Variants in MAGI1 observed in about 807,000 individuals in gnomAD.
MAGI1 encodes membrane associated guanylate kinase, WW and PDZ domain containing 1.
In MAGI1, 58 loss-of-function variants were observed where a neutral mutation model predicts 139.9. That is an observed-to-expected ratio of 0.41 (90% CI 0.34 to 0.52). The LOEUF is 0.52. Ranked by LOEUF, MAGI1 falls within the 20% of genes least tolerant of loss-of-function variation. The pLI is 0.12. For synonymous variants in MAGI1, 812 were observed against 737.9 expected (o/e 1.10, Z -1.63); for missense variants, 1,874 against 1,901.6 (o/e 0.99, Z 0.27).
At chr3:65,935,241 A>G (rs2062993274) in intron 1 of MAGI1, among the ~76,000 whole-genome samples, 1 of 152,204 alleles carries the variant, frequency 6.6e-6, no homozygotes, top group African/African-American at 2.4e-5. Context: ...GCTGGAGAAC[A>G]AGGTGAGTTT....
chr3:65,390,858 C>T (rs555259556), intron 14 of MAGI1, among the ~76,000 whole-genome samples: 2 of 152,156 alleles, frequency 1.3e-5, no homozygotes, highest in Non-Finnish European at 1.5e-5. Context: ...GAGACAGCAG[C>T]TCTTATCTAC....
At chr3:65,627,021 C>T (rs2084004561) in intron 1 of MAGI1, among the ~76,000 whole-genome samples, 1 of 152,180 alleles carries the variant, frequency 6.6e-6, no homozygotes, top group Non-Finnish European at 1.5e-5. Flanking sequence ...GAACATAGGT[C>T]AGAAACACAG....
rs573381310 is a variant in MAGI1, at chr3:65,509,966, C to G, written c.431-16335G>C. Among the ~76,000 whole-genome samples, 33 of 152,310 alleles carry G rather than the reference C, an allele frequency of 2.2e-4. 1 individual carries two copies. Among genetic ancestry groups the G allele is most frequent in the Admixed American group, 1.3e-3 (20 of 15,304 alleles). On this transcript the variant is annotated intron_variant, in intron 2 of 22. Coordinates refer to ENST00000402939, the MANE Select transcript of MAGI1 (RefSeq NM_001033057.2). ...ACGCAGAAGGAGATCTGAGAACCGG[C>G]AGACTGCCTCCTCAAGTGGGTCCCT...
chr3:65,784,945 G>A (rs1042150741), intron 1 of MAGI1, among the ~76,000 whole-genome samples: 3 of 152,284 alleles, frequency 2.0e-5, no homozygotes, highest in South Asian at 2.1e-4. Context: ...TAGGGCTTGA[G>A]AGGGTGGCGG....
chr3:65,459,313 A>G (rs779718935), intron 5 of MAGI1, among the ~76,000 whole-genome samples: 5 of 152,114 alleles, frequency 3.3e-5, no homozygotes, highest in Non-Finnish European at 5.9e-5. Flanking sequence ...AAATTTTAGA[A>G]TTGTTTTTTA....
intron 12 of MAGI1, among the ~76,000 whole-genome samples, chr3:65,423,667 T>C (rs548065275): frequency 6.6e-6 from 1 of 152,338 alleles, no homozygotes; most frequent in Non-Finnish European, 1.5e-5. Context: ...GGAGCCAGTC[T>C]TCCTAGGTTC....
At chr3:65,480,174 A>AAC (rs386396902) in intron 3 of MAGI1, among the ~76,000 whole-genome samples, 1 of 151,552 alleles carries the variant, frequency 6.6e-6, no homozygotes, top group Non-Finnish European at 1.5e-5. Flanking sequence ...AAAAAAAAAA[A>AAC]ACACAAAAAA....
chr3:65,798,365 C>G (rs768500705), intron 1 of MAGI1, among the ~76,000 whole-genome samples: 2 of 152,040 alleles, frequency 1.3e-5, no homozygotes, highest in Non-Finnish European at 2.9e-5. Flanking sequence ...AAAATGACAA[C>G]CCCTCGCCCA....
At chr3:65,938,577 C>T (rs1010686690) in intron 1 of MAGI1, among the ~76,000 whole-genome samples, 4 of 151,846 alleles carry the variant, frequency 2.6e-5, no homozygotes, top group African/African-American at 9.7e-5. Flanking sequence ...GACACTTCTT[C>T]CTTTTCCGCA....
At chr3:65,854,444 T>C (rs1006938389) in intron 1 of MAGI1, among the ~76,000 whole-genome samples, 1 of 152,212 alleles carries the variant, frequency 6.6e-6, no homozygotes, top group African/African-American at 2.4e-5. Flanking sequence ...GAGGCAATAA[T>C]GTGCCTCCAT....
Position 65,751,259 on chromosome 3 carries a change from T to G in MAGI1, c.314-129171A>C, listed in dbSNP as rs1470946395. ...GAAATAAATGTAAAGATCCTTCAGCTGGAGGCTTCTCATGAAGAAAGAAAT... is the reference window on the plus strand; with the variant it reads ...GAAATAAATGTAAAGATCCTTCAGCGGGAGGCTTCTCATGAAGAAAGAAAT... On this transcript the variant is annotated intron_variant, in intron 1 of 22. Coordinates refer to ENST00000402939, the MANE Select transcript of MAGI1 (RefSeq NM_001033057.2). Among the ~76,000 whole-genome samples, 5 of 152,348 alleles carry G rather than the reference T, an allele frequency of 3.3e-5. No homozygotes were observed. In the East Asian group the frequency reaches 9.6e-4, roughly 29 times the overall value.
intron 1 of MAGI1, among the ~76,000 whole-genome samples, chr3:65,823,979 AACTGTGCCTCTGTGTC>A (rs1240140003): frequency 6.6e-5 from 10 of 152,162 alleles, no homozygotes; most frequent in Non-Finnish European, 1.5e-4. Context: ...GAATTATTTA[AACTGTGCCTCTGTGTC>A]CTCACTGATA....
At chr3:65,908,948 T>C (rs935084243) in intron 1 of MAGI1, among the ~76,000 whole-genome samples, 2 of 152,210 alleles carry the variant, frequency 1.3e-5, no homozygotes, top group Admixed American at 6.5e-5. Context: ...TTAATAAAAG[T>C]CATAAATTTA....
intron 1 of MAGI1, among the ~76,000 whole-genome samples, chr3:65,695,635 G>C (rs1442574156): frequency 6.6e-6 from 1 of 152,124 alleles, no homozygotes; most frequent in Non-Finnish European, 1.5e-5. Context: ...TATTGCTGGG[G>C]GATGAATGAA....
At chr3:65,376,251 A>G (rs1002141490) in intron 17 of MAGI1, among the ~76,000 whole-genome samples, 5 of 152,184 alleles carry the variant, frequency 3.3e-5, no homozygotes, top group African/African-American at 7.2e-5. Context: ...GGCAACTTCA[A>G]AGATTTTTAA....
intron 1 of MAGI1, among the ~76,000 whole-genome samples, chr3:65,940,107 C>T (rs1286344060): frequency 6.6e-6 from 1 of 152,124 alleles, no homozygotes; most frequent in Non-Finnish European, 1.5e-5. Context: ...GCTAGGCCGC[C>T]CTTTAAGAGG....
intron 6 of MAGI1, chr3:65,448,263 G>A: frequency 1.7e-6 from 1 of 598,746 alleles, no homozygotes; most frequent in Non-Finnish European, 3.0e-6. Context: ...AGCTGATATT[G>A]GCAAAATAAT....
chr3:65,577,445 T>C (rs568431847), intron 2 of MAGI1, among the ~76,000 whole-genome samples: 28 of 152,250 alleles, frequency 1.8e-4, no homozygotes, highest in African/African-American at 6.7e-4. Context: ...TAAAATAATT[T>C]TGATTAAAAA....
chr3:65,889,318 C>CA (rs953579087), intron 1 of MAGI1, among the ~76,000 whole-genome samples: 1 of 152,170 alleles, frequency 6.6e-6, no homozygotes, highest in Non-Finnish European at 1.5e-5. Flanking sequence ...TTTAAAAAGG[C>CA]AAGAACCCCT....
Sources: gnomAD v4.1 joint callset for allele counts (sites outside exome capture counted in the v4.1 genomes callset) on GRCh38, gnomAD v4.1.1 for gene constraint, MANE v1.5 for transcripts, NCBI Gene and HGNC (gene_info 2026-07-23, HGNC 2026-07-21) for gene names.